EPHA6: variants seen among roughly 807,000 people sequenced by gnomAD.
EPHA6 encodes the protein ephrin type-A receptor 6.
In EPHA6, 50 loss-of-function variants were observed where a neutral mutation model predicts 112.0. That is an observed-to-expected ratio of 0.45 (90% CI 0.36 to 0.56). The LOEUF (loss-of-function observed/expected upper bound fraction) is 0.56. Ranked by LOEUF, EPHA6 falls within the 20% of genes least tolerant of loss-of-function variation. EPHA6 has a pLI of 0.00. For synonymous variants in EPHA6, 529 were observed against 490.7 expected, an observed-to-expected ratio of 1.08 and a Z score of -1.03; for missense variants, 1,280 against 1,417.4, an observed-to-expected ratio of 0.90 and a Z score of 1.56.
intron 5 of EPHA6, among the ~76,000 whole-genome samples, chr3:97,366,348 G>A (rs1435067398): frequency 6.6e-6 from 1 of 151,478 alleles, no homozygotes; most frequent in African/African-American, 2.4e-5. Context: ...TGTATATCAG[G>A]CAGCATTTGT....
At chr3:97,663,798 TG>T (rs2094186717) in intron 14 of EPHA6, among the ~76,000 whole-genome samples, 1 of 152,176 alleles carries the variant, frequency 6.6e-6, no homozygotes, top group African/African-American at 2.4e-5. Context: ...TAAATATACG[TG>T]TGTATGTGTC....
At chr3:97,441,424 A>G in intron 6 of EPHA6, 1 of 978,754 alleles carries the variant, frequency 1.0e-6, no homozygotes, top group Non-Finnish European at 1.2e-6. Context: ...AGACAAACAA[A>G]ACTACAATGG....
At chr3:96,856,443 A>G (rs1329306996) in intron 1 of EPHA6, among the ~76,000 whole-genome samples, 1 of 152,190 alleles carries the variant, frequency 6.6e-6, no homozygotes, top group African/African-American at 2.4e-5. Flanking sequence ...ATATTGGTTT[A>G]TAAATCAAGT....
chr3:96,942,617 A>G (rs1423265210), intron 2 of EPHA6, among the ~76,000 whole-genome samples: 1 of 152,204 alleles, frequency 6.6e-6, no homozygotes, highest in East Asian at 1.9e-4. Flanking sequence ...CGCTGCACCC[A>G]CTGTCCTGCG....
At chr3:97,326,067 G>A (rs1339609265) in intron 5 of EPHA6, among the ~76,000 whole-genome samples, 1 of 152,040 alleles carries the variant, frequency 6.6e-6, no homozygotes, top group East Asian at 1.9e-4. Context: ...TATATTGTAT[G>A]AGAAAGATTG....
At chr3:97,439,275 T>C (rs186079893) in intron 6 of EPHA6, among the ~76,000 whole-genome samples, 4 of 152,298 alleles carry the variant, frequency 2.6e-5, no homozygotes, top group Admixed American at 2.6e-4. Flanking sequence ...TAAATTATAG[T>C]AGTAGAATAC....
At chr3:97,432,628 A>C (rs372533568) in intron 6 of EPHA6, among the ~76,000 whole-genome samples, 7 of 152,276 alleles carry the variant, frequency 4.6e-5, no homozygotes, top group African/African-American at 1.7e-4. Flanking sequence ...ATACTACCCA[A>C]GACTGGGTAA....
Position 97,671,433 on chromosome 3 carries a change from C to T in EPHA6, c.2784+33351C>T, listed in dbSNP as rs142585756. Among the ~76,000 whole-genome samples the T allele has an allele frequency of 1.5e-3, 228 of 152,158 alleles. 1 individual carries two copies. Among genetic ancestry groups the T allele is most frequent in the Middle Eastern group, 6.8e-3 (2 of 294 alleles). On this transcript the variant is annotated intron_variant, in intron 14 of 17. Transcript: ENST00000389672. Reference sequence around the variant, plus strand: ...GTAGTAATTGAGATAAATTCTTATCCAGTCACTGTAATACTTTTTAATCAA... The same window carrying T: ...GTAGTAATTGAGATAAATTCTTATCTAGTCACTGTAATACTTTTTAATCAA...
intron 3 of EPHA6, among the ~76,000 whole-genome samples, chr3:97,168,327 T>G (rs1366252729): frequency 6.6e-6 from 1 of 152,286 alleles, no homozygotes; most frequent in African/African-American, 2.4e-5. Context: ...CCAAATCTCA[T>G]GTTGAATTGT....
intron 3 of EPHA6, among the ~76,000 whole-genome samples, chr3:97,139,227 A>C (rs545243416): frequency 6.6e-6 from 1 of 152,228 alleles, no homozygotes; most frequent in Non-Finnish European, 1.5e-5. Flanking sequence ...AATTCTCTTG[A>C]TTAACAAAGG....
chr3:97,611,088 G>C (rs1016073), intron 13 of EPHA6, among the ~76,000 whole-genome samples: 6,596 of 151,712 alleles, frequency 0.043, 608 homozygotes, highest in East Asian at 0.41. Context: ...CTTGCTATAT[G>C]TGTGTGTATA....
At chr3:96,855,181 C>T (rs1364304742) in intron 1 of EPHA6, among the ~76,000 whole-genome samples, 1 of 152,088 alleles carries the variant, frequency 6.6e-6, no homozygotes, top group Non-Finnish European at 1.5e-5. Flanking sequence ...CTTTTAAGGA[C>T]CTTTGTTATT....
At chr3:96,966,633 A>T (rs377024912) in intron 2 of EPHA6, among the ~76,000 whole-genome samples, 145 of 152,186 alleles carry the variant, frequency 9.5e-4, no homozygotes, top group African/African-American at 3.4e-3. Flanking sequence ...TGTATTTATT[A>T]TCACAATTAT....
chr3:97,104,711 G>A (rs968348581), intron 3 of EPHA6, among the ~76,000 whole-genome samples: 3 of 152,118 alleles, frequency 2.0e-5, no homozygotes, highest in African/African-American at 7.2e-5. Context: ...AATTTCAGTA[G>A]GAATGGTATC....
intron 10 of EPHA6, among the ~76,000 whole-genome samples, chr3:97,498,770 G>A (rs1462928828): frequency 6.6e-6 from 1 of 152,168 alleles, no homozygotes; most frequent in Non-Finnish European, 1.5e-5. Flanking sequence ...ATGTGCATGT[G>A]AGGGACCTAG....
intron 16 of EPHA6, among the ~76,000 whole-genome samples, chr3:97,736,946 T>G (rs2035288696): frequency 6.6e-6 from 1 of 152,058 alleles, no homozygotes; most frequent in Non-Finnish European, 1.5e-5. Context: ...CTTCAGACAT[T>G]CACCTTCAGA....
chr3:97,319,018 A>G (rs1016474942), intron 5 of EPHA6, among the ~76,000 whole-genome samples: 3 of 151,950 alleles, frequency 2.0e-5, no homozygotes, highest in Non-Finnish European at 4.4e-5. Context: ...TTCAAACTTG[A>G]CAAAATTAAA....
intron 2 of EPHA6, among the ~76,000 whole-genome samples, chr3:96,925,890 GC>G (rs2040013182): frequency 1.3e-5 from 2 of 152,076 alleles, no homozygotes; most frequent in South Asian, 4.1e-4. Flanking sequence ...ACAGGTGTGA[GC>G]CATCGTGCCC....
At position 97,757,232 on chromosome 3, in the gene EPHA6, G is replaced by A. The variant is rs1208786855; in HGVS notation, c.*8531G>A. 6.6e-6 allele frequency among the ~76,000 whole-genome samples: 1 copy of A among 151,750 alleles called. No homozygotes were observed. Among genetic ancestry groups the A allele is most frequent in the African/African-American group, 2.4e-5 (1 of 41,390 alleles). ...AAGAGTGAATAAAAAGTATGTCACA[G>A]TACTCTTACTGGTAATTTTGAAACT... On this transcript the variant is annotated 3_prime_UTR_variant, in exon 18 of 18. Coordinates refer to ENST00000389672, the MANE Select transcript of EPHA6 (RefSeq NM_001080448.3).
Sources: allele counts gnomAD v4.1 joint callset (sites outside exome capture counted in the v4.1 genomes callset), GRCh38; gene constraint gnomAD v4.1.1; transcripts MANE v1.5; gene names NCBI Gene and HGNC (gene_info 2026-07-23, HGNC 2026-07-21).